The following ALG8 variants were observed in gnomAD, a reference collection of about 807,000 sequenced individuals.
ALG8 encodes the protein ALG8 alpha-1,3-glucosyltransferase.
Under a neutral mutation model 70.2 loss-of-function variants are expected in ALG8, and 48 were observed. The ratio of observed to expected loss-of-function variants is 0.68; its 90% CI spans 0.54 to 0.87. The LOEUF is 0.87. ALG8 is among the 40% of genes least tolerant of loss of function. The probability of loss-of-function intolerance (pLI) is 0.00; values close to 1 mark genes in which losing one functional copy is unlikely to be tolerated. For missense variants in ALG8, 572 were observed against 608.7 expected (o/e 0.94, Z 0.64); for synonymous variants, 234 against 229.0 (o/e 1.02, Z -0.20).
chr11:78,127,244 T>A, intron 2 of ALG8, 114 bp downstream of exon 2: 3 of 959,720 alleles, frequency 3.1e-6, no homozygotes, highest in Non-Finnish European at 4.7e-6. Flanking sequence ...CCCAAAGTGC[T>A]GGGATTACAA....
rs745492662 is a variant in ALG8 at position 78,139,583 on chromosome 11, C to T, written c.6G>A (p.Ala2=). The change falls in exon 1 of 13, where the codon GCG becomes GCA. Residue 2 remains alanine (A), a synonymous_variant. Transcript: ENST00000299626. M[A]ALTIATGTGN... is the part of the protein sequence containing the mutation. ...CAGTACCCGTGGCAATTGTGAGCGC[C>T]GCCATTGCTGCGGCACCGCACGCTT... The T allele has an allele frequency of 5.1e-6, 8 of 1,555,268 alleles. No homozygotes were observed. Among genetic ancestry groups the T allele is most frequent in the Non-Finnish European group, 6.1e-6 (7 of 1,148,930 alleles).
chr11:78,136,609 T>C (rs1424792549), intron 1 of ALG8, among the ~76,000 whole-genome samples: 1 of 152,198 alleles, frequency 6.6e-6, no homozygotes, highest in East Asian at 1.9e-4. Context: ...TGTAAATAGA[T>C]GTGCTGTCAT....
At chr11:78,127,224 G>C (rs535629380) in intron 2 of ALG8, 134 bp downstream of exon 2, 2 of 742,266 alleles carry the variant, frequency 2.7e-6, no homozygotes, top group South Asian at 3.3e-5. Context: ...TGATCTGCCC[G>C]CCTTGGCCTC....
chr11:78,136,346 G>C (rs916849104), intron 1 of ALG8, among the ~76,000 whole-genome samples: 5 of 151,362 alleles, frequency 3.3e-5, no homozygotes, highest in Admixed American at 6.6e-5. Context: ...CACACATATA[G>C]ATAGATAGAC....
chr11:78,119,394 T>C (rs1285821339), intron 4 of ALG8, 145 bp from the exon 5 acceptor site: 2 of 653,744 alleles, frequency 3.1e-6, no homozygotes, highest in East Asian at 2.8e-5. Context: ...CTCATAAATA[T>C]GTTTTCTATA....
At chr11:78,120,995 G>T in intron 4 of ALG8, 70 bp downstream of exon 4, 2 of 1,372,548 alleles carry the variant, frequency 1.5e-6, no homozygotes, top group Non-Finnish European at 1.0e-6. Context: ...CATTATTATA[G>T]AAAACATTAA....
In ALG8 at chr11:78,119,390, AAT is replaced by A. The variant is rs1426959875; in HGVS notation, c.479-143_479-142del. 3 of 661,792 alleles carry A rather than the reference AAT, an allele frequency of 4.5e-6. No individual in the cohort carries two copies. The Admixed American group carries it at 8.3e-5, about 18-fold the overall frequency. 41.0% of individuals were successfully genotyped at this position (661,792 alleles called of 1,614,324 possible). A position where few individuals can be genotyped will look rare whatever the true frequency, so the allele number is the denominator to read the frequency against. ...CTACTACTAATGTGGACTGCTCATA[AAT>A]ATGTTTTCTATAAACAGATTCAAAT... On this transcript the variant is annotated intron_variant, in intron 4 of 12. Coordinates refer to ENST00000299626, the MANE Select transcript of ALG8 (RefSeq NM_024079.5).
chr11:78,101,864 T>C (rs553347892), intron 12 of ALG8, among the ~76,000 whole-genome samples: 2 of 152,132 alleles, frequency 1.3e-5, no homozygotes, highest in Non-Finnish European at 2.9e-5. Flanking sequence ...CTTTTTGAGA[T>C]GGAGCGTTGC....
At chr11:78,132,833 AT>A (rs55934753) in intron 1 of ALG8, among the ~76,000 whole-genome samples, 50,107 of 113,588 alleles carry the variant, frequency 0.44, 10,253 homozygotes, top group Non-Finnish European at 0.46. Context: ...TTCTTCTTCC[AT>A]TTTTTTTTTT....
At chr11:78,121,555 G>GAAAAAAAAA (rs372128580) in intron 3 of ALG8, among the ~76,000 whole-genome samples, 1 of 99,926 alleles carries the variant, frequency 1.0e-5, no homozygotes, top group Admixed American at 1.1e-4. Flanking sequence ...CTTCTCACTA[G>GAAAAAAAAA]AAAAAAAAAA....
At chr11:78,104,253 T>A in intron 11 of ALG8, 103 bp downstream of exon 11, 2 of 1,132,396 alleles carry the variant, frequency 1.8e-6, no homozygotes, top group Non-Finnish European at 1.2e-6. Context: ...ATGATCTCTA[T>A]CCAAGAGATT....
chr11:78,113,861 G>GAAAAAAAAAAAAAAAAAAAAAAAAA, intron 7 of ALG8, 25 bp downstream of exon 7: 5 of 1,241,916 alleles, frequency 4.0e-6, no homozygotes, highest in East Asian at 5.5e-5. Flanking sequence ...TGTATTAATT[G>GAAAAAAAAAAAAAAAAAAAAAAAAA]AAAAAAAAAA....
At chr11:78,121,536 T>C (rs1469227507) in intron 3 of ALG8, among the ~76,000 whole-genome samples, 3 of 141,938 alleles carry the variant, frequency 2.1e-5, no homozygotes, top group African/African-American at 8.0e-5. Flanking sequence ...CTGGGCGACA[T>C]AGTAAGACCT....
intron 1 of ALG8, among the ~76,000 whole-genome samples, chr11:78,136,529 C>T (rs1022650151): frequency 1.3e-5 from 2 of 151,916 alleles, no homozygotes; most frequent in Admixed American, 6.6e-5. Context: ...AGAGCGAGAC[C>T]CTGCCTCTAG....
intron 4 of ALG8, among the ~76,000 whole-genome samples, chr11:78,120,224 T>C (rs1860761421): frequency 6.6e-6 from 1 of 152,116 alleles, no homozygotes; most frequent in East Asian, 1.9e-4. Flanking sequence ...AACAAAACTT[T>C]CCCAGGTTTT....
chr11:78,114,787 G>A (rs751218290), intron 5 of ALG8: 11 of 408,400 alleles, frequency 2.7e-5, no homozygotes, highest in South Asian at 2.0e-4. Flanking sequence ...ACAAAATAGG[G>A]AGGCCCTGTC....
At chr11:78,126,109 A>G (rs1255697415) in intron 2 of ALG8, among the ~76,000 whole-genome samples, 2 of 152,024 alleles carry the variant, frequency 1.3e-5, no homozygotes, top group Non-Finnish European at 2.9e-5. Flanking sequence ...CAGTGAGCAG[A>G]GATCGCGCCA....
chr11:78,105,420 A>G (rs528107640), intron 10 of ALG8, among the ~76,000 whole-genome samples: 1 of 152,330 alleles, frequency 6.6e-6, no homozygotes, highest in East Asian at 1.9e-4. Context: ...ATTCAACATC[A>G]TAAGATTCAG....
chr11:78,138,919 C>T (rs1861673881), intron 1 of ALG8: 3 of 403,638 alleles, frequency 7.4e-6, no homozygotes, highest in African/African-American at 4.1e-5. Context: ...TGACTTCTTT[C>T]CTGCCACAGG....
Sources: allele counts gnomAD v4.1 joint callset (sites outside exome capture counted in the v4.1 genomes callset), GRCh38; gene constraint gnomAD v4.1.1; transcripts MANE v1.5; gene names NCBI Gene and HGNC (gene_info 2026-07-23, HGNC 2026-07-21).